The following STPG2 variants were observed in gnomAD, a reference collection of about 807,000 sequenced individuals.
The protein encoded by STPG2 is sperm-tail PG-rich repeat-containing protein 2.
In STPG2, 56 loss-of-function variants were observed where a neutral mutation model predicts 54.2. That is an observed-to-expected ratio of 1.03 (90% CI 0.83 to 1.29). The LOEUF is 1.29. STPG2 is among the 50% of genes most tolerant of loss of function. STPG2 has a pLI of 0.00. For synonymous variants in STPG2, 200 were observed against 181.8 expected (o/e 1.10, Z -0.81); for missense variants, 596 against 544.9 (o/e 1.09, Z -0.93).
intron 10 of STPG2, among the ~76,000 whole-genome samples, chr4:97,568,856 T>C (rs1732522585): frequency 6.6e-6 from 1 of 152,018 alleles, no homozygotes; most frequent in Non-Finnish European, 1.5e-5. Context: ...CAAATGTGAA[T>C]GAACATTAAT....
chr4:97,777,689 G>A (rs1726423785), intron 9 of STPG2, among the ~76,000 whole-genome samples: 1 of 152,114 alleles, frequency 6.6e-6, no homozygotes, highest in Admixed American at 6.5e-5. Flanking sequence ...CTACCGTTCT[G>A]TTGCATAAAA....
chr4:97,792,183 A>AT (rs1359226810), intron 9 of STPG2, among the ~76,000 whole-genome samples: 2 of 152,184 alleles, frequency 1.3e-5, no homozygotes, highest in Admixed American at 6.5e-5. Context: ...TGAAATTAAG[A>AT]TTTTTTATGT....
intron 2 of STPG2, among the ~76,000 whole-genome samples, chr4:98,132,988 G>C (rs1283000880): frequency 3.4e-5 from 5 of 146,786 alleles, no homozygotes; most frequent in Non-Finnish European, 7.5e-5. Flanking sequence ...CATTCATATT[G>C]CAGGGAAAAA....
At position 97,900,961 on chromosome 4, in the gene STPG2, C is replaced by A. The variant is rs147723369; in HGVS notation, c.1044+42936G>T. Among the ~76,000 whole-genome samples the A allele has an allele frequency of 4.4e-3, 665 of 151,560 alleles. 6 individuals carry two copies. The highest frequency in any genetic ancestry group is 0.01 in the South Asian group (50 of 4,814). ...TTAAAACATAAGAGGTGAAAATAAC[C>A]TTTAAACTTTCTTATTTTGTTTTGA... On this transcript the variant is annotated intron_variant, in intron 8 of 10. Transcript: ENST00000295268.
At chr4:97,755,008 C>T (rs1400662205) in intron 9 of STPG2, among the ~76,000 whole-genome samples, 5 of 151,996 alleles carry the variant, frequency 3.3e-5, no homozygotes, top group Admixed American at 6.6e-5. Context: ...CTAAGGTTAA[C>T]GAGGTCAAAT....
chr4:97,646,717 T>G (rs1721922448), intron 10 of STPG2, among the ~76,000 whole-genome samples: 2 of 151,920 alleles, frequency 1.3e-5, no homozygotes, highest in Non-Finnish European at 2.9e-5. Context: ...TGTTTTCAAC[T>G]GCTTAGTAAG....
chr4:97,906,638 T>C (rs1391488797), intron 8 of STPG2, among the ~76,000 whole-genome samples: 1 of 151,978 alleles, frequency 6.6e-6, no homozygotes, highest in Non-Finnish European at 1.5e-5. Flanking sequence ...GCAAACCGAA[T>C]CCAGCAGCAC....
chr4:97,937,674 A>C (rs1732797505), intron 8 of STPG2, among the ~76,000 whole-genome samples: 1 of 152,036 alleles, frequency 6.6e-6, no homozygotes, highest in Non-Finnish European at 1.5e-5. Context: ...GGGTTCACTT[A>C]AGGCTCTATT....
At chr4:97,723,350 G>T (rs1190967074) in intron 9 of STPG2, among the ~76,000 whole-genome samples, 2 of 151,922 alleles carry the variant, frequency 1.3e-5, no homozygotes, top group East Asian at 3.9e-4. Context: ...GGGGTTAAGG[G>T]TAAAAATCTA....
chr4:97,694,046 C>A (rs889344760), intron 10 of STPG2, among the ~76,000 whole-genome samples: 1 of 152,002 alleles, frequency 6.6e-6, no homozygotes, highest in Non-Finnish European at 1.5e-5. Context: ...GCATCAAACA[C>A]CTACATCAAA....
chr4:97,729,704 A>T (rs140383843), intron 9 of STPG2, among the ~76,000 whole-genome samples: 286 of 152,276 alleles, frequency 1.9e-3, no homozygotes, highest in Non-Finnish European at 2.7e-3. Context: ...CCTCCTAACA[A>T]GAGTAACAAG....
chr4:98,077,826 T>C (rs951623855), intron 5 of STPG2, among the ~76,000 whole-genome samples: 1 of 152,204 alleles, frequency 6.6e-6, no homozygotes, highest in African/African-American at 2.4e-5. Context: ...GATTTTCATA[T>C]TATTGATGTG....
intron 10 of STPG2, among the ~76,000 whole-genome samples, chr4:97,679,729 A>G (rs1722969013): frequency 6.6e-6 from 1 of 152,078 alleles, no homozygotes; most frequent in South Asian, 2.1e-4. Context: ...GGTAATGCCT[A>G]GGTTTTCTTC....
At chr4:98,087,595 C>T (rs906258010) in intron 5 of STPG2, among the ~76,000 whole-genome samples, 2 of 138,250 alleles carry the variant, frequency 1.4e-5, no homozygotes, top group Non-Finnish European at 3.0e-5. Context: ...GAGTCTGGCT[C>T]TGTCGCTCAG....
chr4:97,769,770 A>G, intron 9 of STPG2, among the ~76,000 whole-genome samples: 2 of 152,286 alleles, frequency 1.3e-5, no homozygotes, highest in Middle Eastern at 6.8e-3. Context: ...ATTTATGAAT[A>G]CGTACATATT....
chr4:97,672,968 C>A (rs1354129424), intron 10 of STPG2, among the ~76,000 whole-genome samples: 1 of 152,256 alleles, frequency 6.6e-6, no homozygotes, highest in African/African-American at 2.4e-5. Flanking sequence ...GCAGCAGATT[C>A]TTGTCCTGAA....
chr4:97,835,474 C>G (rs1728603014), intron 9 of STPG2, among the ~76,000 whole-genome samples: 1 of 152,038 alleles, frequency 6.6e-6, no homozygotes, highest in African/African-American at 2.4e-5. Flanking sequence ...AATAAACTTG[C>G]TTTCACTTAC....
intron 10 of STPG2, among the ~76,000 whole-genome samples, chr4:97,666,991 C>T (rs10017524): frequency 0.45 from 67,959 of 152,014 alleles, 16,691 homozygotes; most frequent in South Asian, 0.62. Flanking sequence ...CTATCACCAC[C>T]ACCACCACCA....
chr4:98,076,897 C>T (rs144003459), intron 5 of STPG2, among the ~76,000 whole-genome samples: 301 of 152,186 alleles, frequency 2.0e-3, no homozygotes, highest in African/African-American at 7.1e-3. Flanking sequence ...AGAATTGTTG[C>T]TACTATTACT....
Sources: gnomAD v4.1 joint callset for allele counts (sites outside exome capture counted in the v4.1 genomes callset) on GRCh38, gnomAD v4.1.1 for gene constraint, MANE v1.5 for transcripts, NCBI Gene and HGNC (gene_info 2026-07-23, HGNC 2026-07-21) for gene names.